Variants in FCRL5 observed in about 807,000 individuals in gnomAD.
The protein encoded by FCRL5 is Fc receptor-like protein 5.
FCRL5 carries 79 observed loss-of-function variants against 92.1 expected under a neutral mutation model. The observed-to-expected ratio is 0.86, with a 90% confidence interval of 0.72 to 1.03. FCRL5 has a LOEUF of 1.03. Among genes scored for constraint, FCRL5 ranks in the 50% least tolerant of loss-of-function variants. The pLI, the probability that FCRL5 is intolerant of heterozygous loss-of-function variation, is 0.00. For synonymous variants in FCRL5, 466 were observed against 469.3 expected (o/e 0.99, Z 0.09); for missense variants, 1,160 against 1,181.1 (o/e 0.98, Z 0.26).
At chr1:157,520,226 C>T (rs1194743198) in intron 12 of FCRL5, among the ~76,000 whole-genome samples, 1 of 152,126 alleles carries the variant, frequency 6.6e-6, no homozygotes, top group East Asian at 1.9e-4. Context: ...CTCATCAAGA[C>T]GTCTCCCACC....
chr1:157,531,659 T>G (rs1339588585), intron 8 of FCRL5, among the ~76,000 whole-genome samples: 1 of 152,124 alleles, frequency 6.6e-6, no homozygotes, highest in Admixed American at 6.5e-5. Context: ...TGAAATCCTG[T>G]GATTTGCAGC....
chr1:157,530,840 A>C (rs1476780312), intron 8 of FCRL5, among the ~76,000 whole-genome samples: 1 of 152,222 alleles, frequency 6.6e-6, no homozygotes, highest in African/African-American at 2.4e-5. Context: ...TCTTAGGATA[A>C]ATTCTTAGAC....
chr1:157,543,262 C>T (rs2101639313), intron 5 of FCRL5, 125 bp from the exon 6 acceptor site: 2 of 863,234 alleles, frequency 2.3e-6, no homozygotes, highest in South Asian at 1.8e-5. Context: ...GAACCACACA[C>T]CCTTACCTGC....
At chr1:157,517,001 C>T (rs1251158192) in intron 15 of FCRL5, among the ~76,000 whole-genome samples, 1 of 152,208 alleles carries the variant, frequency 6.6e-6, no homozygotes, top group Non-Finnish European at 1.5e-5. Flanking sequence ...ACACAATTCA[C>T]TTGACTTTAT....
chr1:157,532,863 T>C (rs1650761533), intron 8 of FCRL5: 1 of 152,124 alleles, frequency 6.6e-6, no homozygotes, highest in Non-Finnish European at 1.5e-5. Context: ...TCCTTTATAT[T>C]CATTTACATC....
intron 2 of FCRL5, among the ~76,000 whole-genome samples, chr1:157,548,020 A>C (rs1651638253): frequency 6.6e-6 from 1 of 152,248 alleles, no homozygotes; most frequent in South Asian, 2.1e-4. Context: ...GCATCAGCAC[A>C]GTGGGATATT....
intron 2 of FCRL5, among the ~76,000 whole-genome samples, 163 bp downstream of exon 2, chr1:157,549,397 G>T (rs922179160): frequency 2.0e-5 from 3 of 152,022 alleles, no homozygotes; most frequent in African/African-American, 7.2e-5. Flanking sequence ...TAACAAACCT[G>T]CACGTTGTGC....
intron 3 of FCRL5, 35 bp downstream of exon 3, chr1:157,546,908 T>C (rs1651563887): frequency 3.8e-6 from 6 of 1,599,394 alleles, no homozygotes; most frequent in Middle Eastern, 3.4e-4. Flanking sequence ...GCTGAATTGA[T>C]TTCTAAAGTT....
intron 7 of FCRL5, among the ~76,000 whole-genome samples, chr1:157,537,375 C>A (rs1466063146): frequency 6.6e-6 from 1 of 152,124 alleles, no homozygotes; most frequent in Non-Finnish European, 1.5e-5. Context: ...TGTAGTGCTC[C>A]CAGGCTTATT....
Position 157,523,994 on chromosome 1 carries a change from A to T in FCRL5, c.2239+285T>A, listed in dbSNP as rs137918834. ...GAATTCTTTGGTTTCATTTTCATGTAATAATTTCAGTTCAGAATATAGTTT... is the reference window on the plus strand; with the variant it reads ...GAATTCTTTGGTTTCATTTTCATGTTATAATTTCAGTTCAGAATATAGTTT... On this transcript the variant is annotated intron_variant, in intron 10 of 16. Coordinates refer to ENST00000361835, the MANE Select transcript of FCRL5 (RefSeq NM_031281.3). The T allele has an allele frequency of 4.8e-3, 2,127 of 445,346 alleles. 13 individuals are homozygous for T. The highest frequency in any genetic ancestry group is 0.012 in the Middle Eastern group (21 of 1,776). The allele number at this position is 445,346 out of a possible 1,614,324, so 27.6% of individuals were successfully genotyped here. A position where few individuals can be genotyped will look rare whatever the true frequency, so the allele number is the denominator to read the frequency against.
chr1:157,515,937 GC>G, intron 15 of FCRL5, 64 bp from the exon 16 acceptor site: 1 of 1,586,262 alleles, frequency 6.3e-7, no homozygotes. Context: ...TTGTGCCTGC[GC>G]TGTGGGGCCA....
intron 1 of FCRL5, 89 bp from the exon 2 acceptor site, chr1:157,549,669 T>G: frequency 8.8e-7 from 1 of 1,131,020 alleles, no homozygotes; most frequent in Non-Finnish European, 1.3e-6. Flanking sequence ...ATGCATGTAT[T>G]ACTTGTCCCT....
At chr1:157,519,460 G>T (rs372372768) in intron 13 of FCRL5, among the ~76,000 whole-genome samples, 1 of 152,162 alleles carries the variant, frequency 6.6e-6, no homozygotes, top group Non-Finnish European at 1.5e-5. Flanking sequence ...GGTCATAGTG[G>T]TCATTCAGAC....
rs183604049 is a variant in FCRL5, at chr1:157,530,420, G to A, written c.1682-2525C>T. 9.8e-3 allele frequency among the ~76,000 whole-genome samples: 1,498 copies of A among 152,318 alleles called. 25 individuals carry two copies. Among genetic ancestry groups the A allele is most frequent in the African/African-American group, 0.033 (1,359 of 41,562 alleles). ...TCACTCTTGTTGCCCAGGCTGGAGT[G>A]CAATGGCGCGATCTTGGCTCAGCAC... On this transcript the variant is annotated intron_variant, in intron 8 of 16. Coordinates refer to ENST00000361835, the MANE Select transcript of FCRL5 (RefSeq NM_031281.3).
At position 157,527,672 on chromosome 1, in the gene FCRL5, C is replaced by T. The variant is rs113288934; in HGVS notation, c.1905G>A (p.Glu635=). The change falls in exon 9 of 17, where the codon GAG becomes GAA. Residue 635 remains glutamate, a synonymous_variant. Coordinates refer to ENST00000361835, the MANE Select transcript of FCRL5 (RefSeq NM_031281.3). ...GCTGGGCCACTAGGCCATTGTTGGC[C>T]TCACATGAGTAGTTTCCAGAATGTT... ...TAEHSGNYSC[E]ANNGLVAQHS... The T allele has an allele frequency of 1.3e-4, 217 of 1,613,966 alleles. 2 individuals are homozygous for T. In the Middle Eastern group the frequency reaches 3.0e-3, roughly 22 times the overall value.
rs1650450730 is a variant in FCRL5, at chr1:157,526,848, A to AT, written c.1960+768dup. Among the ~76,000 whole-genome samples, 3 of 152,242 alleles carry AT rather than the reference A, an allele frequency of 2.0e-5. No homozygotes were observed. In the South Asian group the frequency reaches 6.2e-4, roughly 32 times the overall value. Reference sequence around the variant, plus strand: ...CAGAAGGCCAGGGGGTGGTTGTCAGATAATAAGGGCTTAAAATTGTCCTTT... The same window carrying AT: ...CAGAAGGCCAGGGGGTGGTTGTCAGATTAATAAGGGCTTAAAATTGTCCTTT... On this transcript the variant is annotated intron_variant, in intron 9 of 16. Coordinates refer to ENST00000361835, the MANE Select transcript of FCRL5 (RefSeq NM_031281.3).
At chr1:157,549,371 C>T (rs1020026674) in intron 2 of FCRL5, among the ~76,000 whole-genome samples, 189 bp downstream of exon 2, 2 of 151,878 alleles carry the variant, frequency 1.3e-5, no homozygotes, top group African/African-American at 4.8e-5. Context: ...ACCAACATGG[C>T]ACATGTATAC....
intron 1 of FCRL5, among the ~76,000 whole-genome samples, 155 bp from the exon 2 acceptor site, chr1:157,549,735 C>T (rs1224165526): frequency 1.3e-5 from 2 of 151,752 alleles, no homozygotes; most frequent in Admixed American, 1.3e-4. Flanking sequence ...TATATATACA[C>T]ATAAATATAC....
intron 7 of FCRL5, among the ~76,000 whole-genome samples, chr1:157,535,848 G>A (rs1375081782): frequency 6.6e-6 from 1 of 151,844 alleles, no homozygotes; most frequent in African/African-American, 2.4e-5. Flanking sequence ...CAGCTAGTAA[G>A]TGAAGAGGCA....
Sources: gnomAD v4.1 joint callset for allele counts (sites outside exome capture counted in the v4.1 genomes callset) on GRCh38, gnomAD v4.1.1 for gene constraint, MANE v1.5 for transcripts, NCBI Gene and HGNC (gene_info 2026-07-23, HGNC 2026-07-21) for gene names.